PWP1: variants seen among roughly 807,000 people sequenced by gnomAD.
PWP1 encodes the protein periodic tryptophan protein 1 homolog.
Under a neutral mutation model 69.9 loss-of-function variants are expected in PWP1, and 47 were observed. That is an observed-to-expected ratio of 0.67 (90% confidence interval 0.53 to 0.86). The LOEUF (loss-of-function observed/expected upper bound fraction) is 0.86. PWP1 is among the 40% of genes least tolerant of loss of function. The probability of loss-of-function intolerance (pLI) is 0.00; values close to 1 mark genes in which losing one functional copy is unlikely to be tolerated. For missense variants in PWP1, 551 were observed against 608.8 expected (o/e 0.91, Z 1.00); for synonymous variants, 222 against 208.2 (o/e 1.07, Z -0.57).
intron 6 of PWP1, 104 bp downstream of exon 6, chr12:107,696,688 A>G (rs975041465): frequency 6.1e-5 from 92 of 1,514,522 alleles, no homozygotes; most frequent in Non-Finnish European, 7.7e-5. Context: ...ATTGTTGCTG[A>G]TATTTTCTGA....
intron 13 of PWP1, 119 bp downstream of exon 13, chr12:107,709,351 T>TG: frequency 7.7e-7 from 1 of 1,299,032 alleles, no homozygotes; most frequent in Middle Eastern, 2.5e-4. Flanking sequence ...ATGGATGTGT[T>TG]GGGGAAGTGA....
At chr12:107,708,383 G>C (rs1889871606) in intron 11 of PWP1, among the ~76,000 whole-genome samples, 1 of 152,032 alleles carries the variant, frequency 6.6e-6, no homozygotes, top group Non-Finnish European at 1.5e-5. Context: ...TCAGGTTTCT[G>C]TCTCCCATTT....
At position 107,712,450 on chromosome 12, in the gene PWP1, A is replaced by T. The variant is rs1889975769; in HGVS notation, c.*230A>T. 2 of 368,480 alleles carry T rather than the reference A, an allele frequency of 5.4e-6. No homozygotes were observed. Among genetic ancestry groups the T allele is most frequent in the East Asian group, 8.6e-5 (2 of 23,212 alleles). The allele number at this position is 368,480 out of a possible 1,614,324, so 22.8% of individuals were successfully genotyped here. On this transcript the variant is annotated 3_prime_UTR_variant, in exon 15 of 15. Transcript: ENST00000412830. ...GCATTTCTTAAAAAAGAGTAATAAA[A>T]AGGATTTTTAAAAAGTAATTCCTTA...
At chr12:107,705,345 T>C (rs535266736) in intron 11 of PWP1, among the ~76,000 whole-genome samples, 43 of 152,148 alleles carry the variant, frequency 2.8e-4, no homozygotes, top group Admixed American at 1.9e-3. Flanking sequence ...GAAGTAAATA[T>C]GTAGTGCTTT....
rs1455669671 is a variant in PWP1, at chr12:107,687,457, G to C, written c.73-991G>C. Among the ~76,000 whole-genome samples the C allele has an allele frequency of 2.0e-5, 3 of 152,206 alleles. No individual in the cohort carries two copies. In the East Asian group the frequency reaches 5.8e-4, roughly 29 times the overall value. On this transcript the variant is annotated intron_variant, in intron 1 of 14. Coordinates refer to ENST00000412830, the MANE Select transcript of PWP1 (RefSeq NM_007062.3). ...ATGTCCCACTCCCAAGTATTGTGTT[G>C]TAATTAGCCTGTAGTGTAGCCTAAA... is the stretch of plus-strand genomic sequence containing the variant.
At position 107,696,539 on chromosome 12, in the gene PWP1, A is replaced by T; in HGVS notation, c.568A>T (p.Ser190Cys). ...HDILLSAYPL[S>C]VEWLNFDPSP... ...TATACTCTTGTCTGCATATCCTCTG[A>T]GTGTGGAATGGCTGAATTTTGATCC... Residue 190 changes from serine to cysteine, a missense_variant, in exon 6 of 15, where the codon AGT becomes TGT. Coordinates refer to ENST00000412830, the MANE Select transcript of PWP1 (RefSeq NM_007062.3). 6.2e-7 allele frequency: 1 copy of T among 1,614,062 alleles called. No individual in the cohort carries two copies. The highest frequency in any genetic ancestry group is 8.5e-7 in the Non-Finnish European group (1 of 1,179,996).
At chr12:107,701,648 T>C (rs2136280848) in intron 8 of PWP1, among the ~76,000 whole-genome samples, 1 of 152,214 alleles carries the variant, frequency 6.6e-6, no homozygotes, top group Non-Finnish European at 1.5e-5. Context: ...TCATTCTTTT[T>C]CATGAGGATG....
At chr12:107,690,245 G>C (rs893163553) in intron 3 of PWP1, among the ~76,000 whole-genome samples, 1 of 152,074 alleles carries the variant, frequency 6.6e-6, no homozygotes, top group African/African-American at 2.4e-5. Context: ...AGCTGAGCGT[G>C]GTGGCTCATG....
At chr12:107,687,000 A>T (rs2136267910) in intron 1 of PWP1, among the ~76,000 whole-genome samples, 1 of 118,752 alleles carries the variant, frequency 8.4e-6, no homozygotes, top group Admixed American at 8.6e-5. Context: ...AAAAAAAAAA[A>T]TAGAAAAAGA....
At position 107,707,126 on chromosome 12, in the gene PWP1, A is replaced by G. The variant is rs535283213; in HGVS notation, c.1078-1800A>G. On this transcript the variant is annotated intron_variant, in intron 11 of 14. Transcript: ENST00000412830. ...GAAGAGGTCCTTCACATTCCTTGTA[A>G]GTTGGATTCCTAGGTATTTTATTCT... 3.4e-3 allele frequency among the ~76,000 whole-genome samples: 518 copies of G among 152,142 alleles called. 7 individuals are homozygous for G. Among genetic ancestry groups the G allele is most frequent in the African/African-American group, 0.012 (490 of 41,452 alleles).
At position 107,700,048 on chromosome 12, in the gene PWP1, G is replaced by A. The variant is rs1382929014; in HGVS notation, c.806+614G>A. 2.6e-5 allele frequency among the ~76,000 whole-genome samples: 4 copies of A among 152,098 alleles called. No individual in the cohort carries two copies. In the East Asian group the frequency reaches 5.8e-4, roughly 22 times the overall value. Reference sequence around the variant, plus strand: ...CAGAGGAACTCTCCTTTATAAAACCGTCAGATCTTGTGAGACCCATTCACT... The same window carrying A: ...CAGAGGAACTCTCCTTTATAAAACCATCAGATCTTGTGAGACCCATTCACT... On this transcript the variant is annotated intron_variant, in intron 8 of 14. Transcript: ENST00000412830.
Position 107,712,464 on chromosome 12 carries a change from A to T in PWP1, c.*244A>T, listed in dbSNP as rs1182190680. 2.9e-6 allele frequency: 1 copy of T among 342,086 alleles called. No individual in the cohort carries two copies. Among genetic ancestry groups the T allele is most frequent in the African/African-American group, 2.1e-5 (1 of 47,878 alleles). The allele number at this position is 342,086 out of a possible 1,614,324, so 21.2% of individuals were successfully genotyped here. ...AGAGTAATAAAAAGGATTTTTAAAA[A>T]GTAATTCCTTAAACATACCATCTGT... On this transcript the variant is annotated 3_prime_UTR_variant, in exon 15 of 15. Transcript: ENST00000412830.
chr12:107,712,030 A>G, intron 14 of PWP1, 81 bp from the exon 15 acceptor site: 2 of 1,176,046 alleles, frequency 1.7e-6, no homozygotes, highest in East Asian at 4.7e-5. Context: ...CTAAGTGCAC[A>G]ATTCTGCATT....
intron 6 of PWP1, among the ~76,000 whole-genome samples, chr12:107,697,178 A>G (rs1176389336): frequency 6.6e-6 from 1 of 152,190 alleles, no homozygotes; most frequent in African/African-American, 2.4e-5. Context: ...TTCTCGTTAT[A>G]TAAATGAAAA....
chr12:107,703,717 A>C lies in PWP1; in HGVS notation c.936A>C (p.Ala312=). Residue 312 remains alanine, a synonymous_variant, in exon 10 of 15, where the codon GCA becomes GCC. Coordinates refer to ENST00000412830, the MANE Select transcript of PWP1 (RefSeq NM_007062.3). Reference sequence around the variant, plus strand: ...CACTGCAGTTTCATCCATTTGAAGCACAGACTCTGATTTCTGGCTCATATG... The same window carrying C: ...CACTGCAGTTTCATCCATTTGAAGCCCAGACTCTGATTTCTGGCTCATATG... ...VQTLQFHPFE[A]QTLISGSYDK... is the part of the protein sequence containing the mutation. The C allele has an allele frequency of 6.2e-7, 1 of 1,605,592 alleles. No homozygotes were observed. Among genetic ancestry groups the C allele is most frequent in the Non-Finnish European group, 8.5e-7 (1 of 1,172,312 alleles).
chr12:107,688,910 T>A, intron 3 of PWP1, 108 bp downstream of exon 3: 2 of 1,165,528 alleles, frequency 1.7e-6, no homozygotes, highest in Non-Finnish European at 2.4e-6. Flanking sequence ...TTGACATCAG[T>A]AAGATAATCT....
intron 8 of PWP1, among the ~76,000 whole-genome samples, chr12:107,699,957 T>C (rs909201066): frequency 6.6e-6 from 1 of 152,186 alleles, no homozygotes; most frequent in Non-Finnish European, 1.5e-5. Context: ...CTCACAGTTA[T>C]GGCAGAAAGC....
At chr12:107,699,254 G>A (rs553332394) in intron 7 of PWP1, 119 bp from the exon 8 acceptor site, 72 of 787,632 alleles carry the variant, frequency 9.1e-5, no homozygotes, top group Admixed American at 7.6e-4. Context: ...CAAAGACTCC[G>A]TCTCAAAACA....
intron 9 of PWP1, among the ~76,000 whole-genome samples, chr12:107,703,282 G>T (rs1054176182): frequency 6.6e-6 from 1 of 152,092 alleles, no homozygotes; most frequent in African/African-American, 2.4e-5. Context: ...TATTTATAGA[G>T]GCTCCTAAAA....
Sources: gnomAD v4.1 joint callset for allele counts (sites outside exome capture counted in the v4.1 genomes callset) on GRCh38, gnomAD v4.1.1 for gene constraint, MANE v1.5 for transcripts, NCBI Gene and HGNC (gene_info 2026-07-23, HGNC 2026-07-21) for gene names.